The following RALYL variants were observed in gnomAD, a reference collection of about 807,000 sequenced individuals.
The protein encoded by RALYL is RNA-binding Raly-like protein.
In RALYL, 29 loss-of-function variants were observed where a neutral mutation model predicts 35.1. The ratio of observed to expected loss-of-function variants is 0.83; its 90% confidence interval spans 0.61 to 1.13. The LOEUF is 1.13. Ranked by LOEUF, RALYL falls within the 50% of genes most tolerant of loss-of-function variation. The pLI is 0.00. For missense variants in RALYL, 359 were observed against 360.4 expected (o/e 1.00, Z 0.03); for synonymous variants, 120 against 127.6 (o/e 0.94, Z 0.40).
intron 2 of RALYL, among the ~76,000 whole-genome samples, chr8:84,741,825 AT>A (rs1263086063): frequency 6.6e-6 from 1 of 152,030 alleles, no homozygotes; most frequent in Non-Finnish European, 1.5e-5. Flanking sequence ...CTTTAACAAA[AT>A]TTAAGTTTTA....
intron 2 of RALYL, among the ~76,000 whole-genome samples, chr8:84,693,485 C>T (rs1164267204): frequency 6.6e-6 from 1 of 151,872 alleles, no homozygotes; most frequent in Non-Finnish European, 1.5e-5. Context: ...CCACTGGGTC[C>T]CTCCCACAAC....
intron 2 of RALYL, among the ~76,000 whole-genome samples, chr8:84,620,971 G>A (rs1239186835): frequency 1.3e-5 from 2 of 152,152 alleles, no homozygotes; most frequent in Non-Finnish European, 2.9e-5. Flanking sequence ...CCAGCTGCGT[G>A]CTGGGAGAAC....
intron 1 of RALYL, among the ~76,000 whole-genome samples, chr8:84,379,306 G>A (rs1336436786): frequency 2.0e-5 from 3 of 151,814 alleles, no homozygotes; most frequent in Non-Finnish European, 4.4e-5. Context: ...AATAAAATTA[G>A]GCCTAGATCG....
chr8:84,243,296 T>G (rs1383895354), intron 1 of RALYL, among the ~76,000 whole-genome samples: 1 of 152,152 alleles, frequency 6.6e-6, no homozygotes. Context: ...TTCTTATGAT[T>G]GACTTGGCTA....
At chr8:84,388,182 T>A (rs981163451) in intron 1 of RALYL, among the ~76,000 whole-genome samples, 3 of 152,164 alleles carry the variant, frequency 2.0e-5, no homozygotes, top group Non-Finnish European at 4.4e-5. Flanking sequence ...TCATCCTTTT[T>A]TATGGCTGCA....
intron 4 of RALYL, among the ~76,000 whole-genome samples, chr8:84,815,502 AT>A (rs1405398115): frequency 4.0e-5 from 6 of 149,736 alleles, no homozygotes; most frequent in Non-Finnish European, 7.4e-5. Flanking sequence ...TATAAAATAC[AT>A]TTGAACATTA....
rs1285100123 is a variant in RALYL at position 84,728,065 on chromosome 8, G to T, written c.257-46514G>T. ...AATCGCCACACTGACTTCCACAAGGGTTGAACTAGTTTACAGTCCCACCAA... is the reference window on the plus strand; with the variant it reads ...AATCGCCACACTGACTTCCACAAGGTTTGAACTAGTTTACAGTCCCACCAA... On this transcript the variant is annotated intron_variant, in intron 2 of 8. Transcript: ENST00000521268. Among the ~76,000 whole-genome samples the T allele has an allele frequency of 1.1e-4, 16 of 151,726 alleles. 1 individual carries two copies. In the South Asian group the frequency reaches 3.3e-3, roughly 32 times the overall value.
chr8:84,635,369 T>C (rs1286353156), intron 2 of RALYL, among the ~76,000 whole-genome samples: 1 of 151,620 alleles, frequency 6.6e-6, no homozygotes, highest in African/African-American at 2.4e-5. Flanking sequence ...TATTTCCAGG[T>C]TCATCAGCCA....
intron 1 of RALYL, among the ~76,000 whole-genome samples, chr8:84,418,695 C>G (rs552100016): frequency 2.4e-4 from 36 of 152,184 alleles, no homozygotes; most frequent in Middle Eastern, 6.8e-3. Flanking sequence ...TTATAAACTC[C>G]AAACTCTGTA....
intron 2 of RALYL, among the ~76,000 whole-genome samples, chr8:84,613,160 G>C (rs893352797): frequency 2.6e-5 from 4 of 151,612 alleles, no homozygotes; most frequent in African/African-American, 9.7e-5. Context: ...GGTAGGCAGA[G>C]TTATGCTTGT....
intron 2 of RALYL, among the ~76,000 whole-genome samples, chr8:84,636,018 C>A (rs1280818752): frequency 1.3e-5 from 2 of 151,684 alleles, no homozygotes; most frequent in Non-Finnish European, 2.9e-5. Context: ...CCATTCTGTC[C>A]CAATCTTGTT....
intron 2 of RALYL, among the ~76,000 whole-genome samples, chr8:84,542,680 A>T (rs2060099449): frequency 6.6e-6 from 1 of 152,112 alleles, no homozygotes; most frequent in South Asian, 2.1e-4. Flanking sequence ...AGCCCTGAGG[A>T]ACTGTGAATG....
chr8:84,836,354 C>G (rs1027942226), intron 4 of RALYL, among the ~76,000 whole-genome samples: 2 of 152,128 alleles, frequency 1.3e-5, no homozygotes, highest in Non-Finnish European at 2.9e-5. Context: ...AACTTCTTAG[C>G]CATTTTCTCT....
At chr8:84,449,897 T>C (rs58066601) in intron 1 of RALYL, among the ~76,000 whole-genome samples, 1,796 of 152,066 alleles carry the variant, frequency 0.012, 39 homozygotes, top group African/African-American at 0.041. Context: ...CCACATTTTT[T>C]GCAAATATTT....
intron 1 of RALYL, among the ~76,000 whole-genome samples, chr8:84,307,867 CA>C (rs149596525): frequency 6.6e-6 from 1 of 151,602 alleles, no homozygotes; most frequent in South Asian, 2.1e-4. Context: ...TTGTTTCTCA[CA>C]AAAAAAGGGC....
intron 2 of RALYL, among the ~76,000 whole-genome samples, chr8:84,683,914 G>C (rs906987842): frequency 3.3e-5 from 5 of 152,084 alleles, no homozygotes; most frequent in African/African-American, 1.2e-4. Context: ...TCGAACTCCC[G>C]ATCAGGAACT....
intron 4 of RALYL, among the ~76,000 whole-genome samples, chr8:84,843,604 T>C (rs1409909461): frequency 6.6e-6 from 1 of 152,134 alleles, no homozygotes; most frequent in African/African-American, 2.4e-5. Context: ...CTTCACAGAA[T>C]TGGAAAACAC....
At chr8:84,646,096 A>G (rs1274538272) in intron 2 of RALYL, among the ~76,000 whole-genome samples, 1 of 151,898 alleles carries the variant, frequency 6.6e-6, no homozygotes, top group Admixed American at 6.6e-5. Flanking sequence ...TCTTAGTGAA[A>G]GGCTCCAGAT....
At chr8:84,310,807 G>A (rs1842628258) in intron 1 of RALYL, among the ~76,000 whole-genome samples, 1 of 137,744 alleles carries the variant, frequency 7.3e-6, no homozygotes, top group African/African-American at 2.9e-5. Context: ...CAGCACTTTG[G>A]GAGGCCGAGG....
Sources: gnomAD v4.1 joint callset for allele counts (sites outside exome capture counted in the v4.1 genomes callset) on GRCh38, gnomAD v4.1.1 for gene constraint, MANE v1.5 for transcripts, NCBI Gene and HGNC (gene_info 2026-07-23, HGNC 2026-07-21) for gene names.